Variants in CTNNA3 observed in about 807,000 individuals in gnomAD.
The protein encoded by CTNNA3 is catenin alpha-3.
In CTNNA3, 76 loss-of-function variants were observed where a neutral mutation model predicts 95.7. That is an observed-to-expected ratio of 0.79 (90% CI 0.66 to 0.96). The LOEUF (loss-of-function observed/expected upper bound fraction) is 0.96. Among genes scored for constraint, CTNNA3 ranks in the 40% least tolerant of loss-of-function variants. The probability of loss-of-function intolerance (pLI) is 0.00; values close to 1 mark genes in which losing one functional copy is unlikely to be tolerated. For missense variants in CTNNA3, 1,191 were observed against 1,089.8 expected (o/e 1.09, Z -1.31); for synonymous variants, 431 against 374.4 (o/e 1.15, Z -1.74).
At position 65,989,232 on chromosome 10, in the gene CTNNA3, C is replaced by T. The variant is rs544998241; in HGVS notation, c.2160-435G>A. On this transcript the variant is annotated intron_variant, in intron 15 of 17. Coordinates refer to ENST00000433211, the MANE Select transcript of CTNNA3 (RefSeq NM_013266.4). ...GGGATTACAGGCGTGAGCCGCCGTG[C>T]CCTGCCAGCTGTTGGTTTTAATATT... Among the ~76,000 whole-genome samples, 438 of 152,348 alleles carry T rather than the reference C, an allele frequency of 2.9e-3. 3 individuals are homozygous for T. The highest frequency in any genetic ancestry group is 9.0e-3 in the African/African-American group (375 of 41,572).
chr10:67,066,811 C>T (rs1856120579), intron 7 of CTNNA3, among the ~76,000 whole-genome samples: 1 of 152,128 alleles, frequency 6.6e-6, no homozygotes, highest in African/African-American at 2.4e-5. Context: ...TCTAGCTTAC[C>T]ATCTAGCAGA....
chr10:65,928,086 A>G (rs2077194988), intron 17 of CTNNA3, among the ~76,000 whole-genome samples: 1 of 152,212 alleles, frequency 6.6e-6, no homozygotes, highest in African/African-American at 2.4e-5. Context: ...GGCTACTACA[A>G]TGTTAAACAG....
chr10:67,647,467 A>G lies in CTNNA3; in HGVS notation c.47T>C (p.Leu16Pro). ...PITLNIDPQD[L>P]QVQTFTVEKL... ...CTCCACGGTGAATGTTTGGACCTGCAGATCCTGAGGATCGATATTCAATGT... is the reference window on the plus strand; with the variant it reads ...CTCCACGGTGAATGTTTGGACCTGCGGATCCTGAGGATCGATATTCAATGT... The change falls in exon 2 of 18, where the codon CTG becomes CCG. Residue 16 changes from leucine to proline, a missense_variant. Transcript: ENST00000433211. The G allele has an allele frequency of 6.2e-7, 1 of 1,613,558 alleles. No homozygotes were observed. Among genetic ancestry groups the G allele is most frequent in the Non-Finnish European group, 8.5e-7 (1 of 1,179,608 alleles).
chr10:66,928,441 A>G (rs373609386), intron 7 of CTNNA3: 2 of 1,606,310 alleles, frequency 1.2e-6, no homozygotes, highest in Non-Finnish European at 8.5e-7. Context: ...ATCGGGCTCC[A>G]GGGAGTGTGA....
At chr10:67,720,019 T>A (rs1276944103) in intron 1 of CTNNA3, among the ~76,000 whole-genome samples, 1 of 151,924 alleles carries the variant, frequency 6.6e-6, no homozygotes, top group East Asian at 1.9e-4. Context: ...AATAGTTAGC[T>A]CTTCTTGTTG....
intron 1 of CTNNA3, among the ~76,000 whole-genome samples, chr10:67,725,466 T>A (rs1334618902): frequency 6.6e-6 from 1 of 152,152 alleles, no homozygotes; most frequent in Non-Finnish European, 1.5e-5. Context: ...GGTGAGCCAC[T>A]GCGCCCGGCC....
At chr10:66,178,425 A>ACATG (rs1322449894) in intron 13 of CTNNA3, among the ~76,000 whole-genome samples, 1 of 81,824 alleles carries the variant, frequency 1.2e-5, no homozygotes, top group South Asian at 8.2e-4. Flanking sequence ...ATATATATAT[A>ACATG]TATATATATA....
chr10:66,214,010 C>G (rs138854825), intron 13 of CTNNA3, among the ~76,000 whole-genome samples: 1 of 152,112 alleles, frequency 6.6e-6, no homozygotes, highest in Non-Finnish European at 1.5e-5. Context: ...GTAAAGAGCA[C>G]TGGAGGCTGT....
chr10:67,213,009 C>T (rs185057806), intron 6 of CTNNA3, among the ~76,000 whole-genome samples: 1 of 151,574 alleles, frequency 6.6e-6, no homozygotes, highest in Non-Finnish European at 1.5e-5. Context: ...CAGGACACTG[C>T]TGTAGAAATA....
intron 7 of CTNNA3, among the ~76,000 whole-genome samples, chr10:66,844,570 C>G (rs777200610): frequency 5.9e-5 from 9 of 152,172 alleles, no homozygotes; most frequent in Non-Finnish European, 1.3e-4. Flanking sequence ...AAAGGCTCTT[C>G]TTCACTCAGT....
intron 11 of CTNNA3, among the ~76,000 whole-genome samples, chr10:66,457,347 C>T (rs911688281): frequency 4.6e-5 from 7 of 151,748 alleles, no homozygotes; most frequent in Admixed American, 1.3e-4. Context: ...AAAGCACTCT[C>T]GAAACTCAAT....
At chr10:67,009,818 T>C (rs1852215012) in intron 7 of CTNNA3, among the ~76,000 whole-genome samples, 1 of 152,180 alleles carries the variant, frequency 6.6e-6, no homozygotes, top group Non-Finnish European at 1.5e-5. Context: ...CCTCTCCATC[T>C]GGAGTGAGTG....
intron 5 of CTNNA3, among the ~76,000 whole-genome samples, chr10:67,507,976 A>G (rs1474821708): frequency 6.6e-6 from 1 of 152,196 alleles, no homozygotes; most frequent in Non-Finnish European, 1.5e-5. Context: ...AAACCTCTCA[A>G]CAAATTAGAT....
intron 5 of CTNNA3, among the ~76,000 whole-genome samples, chr10:67,514,652 A>C (rs1272390853): frequency 6.6e-6 from 1 of 151,732 alleles, no homozygotes; most frequent in Non-Finnish European, 1.5e-5. Context: ...CACCATATTG[A>C]TGCAAACACT....
intron 13 of CTNNA3, among the ~76,000 whole-genome samples, chr10:66,171,862 A>G (rs919401141): frequency 6.6e-6 from 1 of 152,296 alleles, no homozygotes; most frequent in Admixed American, 6.5e-5. Flanking sequence ...GAACAAAAAA[A>G]ATTAAAAAAA....
chr10:67,046,421 A>G (rs762021099), intron 7 of CTNNA3, among the ~76,000 whole-genome samples: 1 of 152,198 alleles, frequency 6.6e-6, no homozygotes, highest in Non-Finnish European at 1.5e-5. Context: ...GATTCTCAAC[A>G]CATAGAACTT....
intron 7 of CTNNA3, among the ~76,000 whole-genome samples, chr10:66,837,086 GA>G (rs200563517): frequency 2.0e-5 from 3 of 150,514 alleles, no homozygotes; most frequent in African/African-American, 4.9e-5. Flanking sequence ...AATGTGCAGA[GA>G]AAAAAAAAGT....
At chr10:67,035,864 A>G (rs1356041259) in intron 7 of CTNNA3, among the ~76,000 whole-genome samples, 2 of 152,212 alleles carry the variant, frequency 1.3e-5, no homozygotes, top group African/African-American at 2.4e-5. Flanking sequence ...ACATTATTCT[A>G]TATTCCCTAT....
Position 67,180,351 on chromosome 10 carries a change from G to C in CTNNA3, c.1013C>G (p.Ala338Gly), listed in dbSNP as rs1198458860. The C allele has an allele frequency of 1.2e-6, 2 of 1,613,670 alleles. No homozygotes were observed. The highest frequency in any genetic ancestry group is 1.7e-5 in the Admixed American group (1 of 59,996). Residue 338 changes from alanine (A) to glycine (G), a missense_variant, in exon 7 of 18, where the codon GCT (alanine) becomes GGT (glycine). Physicochemically the swap from Ala to Gly is moderately conservative, Grantham distance 60. Transcript: ENST00000433211. ...GTACTCTGAAAGCAGATCCTGAAGA[G>C]CCTGGCGAATGGCGTTGCATTCTGC... is the stretch of plus-strand genomic sequence containing the variant. ...IIAECNAIRQ[A>G]LQDLLSEYMN... is the part of the protein sequence containing the mutation.
Sources: gnomAD v4.1 joint callset for allele counts (sites outside exome capture counted in the v4.1 genomes callset) on GRCh38, gnomAD v4.1.1 for gene constraint, MANE v1.5 for transcripts, NCBI Gene and HGNC (gene_info 2026-07-23, HGNC 2026-07-21) for gene names.